SPAG17: variants seen among roughly 807,000 people sequenced by gnomAD.
SPAG17 encodes sperm-associated antigen 17.
A neutral mutation model predicts 273.6 loss-of-function variants in SPAG17; 169 were observed. That is an observed-to-expected ratio of 0.62 (90% CI 0.55 to 0.70). SPAG17 has a LOEUF of 0.70. Among genes scored for constraint, SPAG17 ranks in the 30% least tolerant of loss-of-function variants. SPAG17 has a pLI of 0.00. For missense variants in SPAG17, 2,557 were observed against 2,627.8 expected (o/e 0.97, Z 0.59); for synonymous variants, 825 against 873.2 (o/e 0.94, Z 0.97).
chr1:118,185,085 C>A lies in SPAG17; in HGVS notation c.73G>T (p.Ala25Ser), dbSNP rs375324159. The A allele has an allele frequency of 6.2e-7, 1 of 1,613,896 alleles. No individual in the cohort carries two copies. Among genetic ancestry groups the A allele is most frequent in the African/African-American group, 1.3e-5 (1 of 74,954 alleles). The change falls in exon 1 of 49, where the codon GCA becomes TCA. Residue 25 changes from alanine to serine, a missense_variant. Physicochemically the swap from Ala to Ser is moderately conservative, Grantham distance 99. Coordinates refer to ENST00000336338, the MANE Select transcript of SPAG17 (RefSeq NM_206996.4). ...SKIWEPSLIA[A>S]QFNQNDWQAS... ...TCAAGGCTCACCTGATTGAACTGTGCAGCTATGAGCGAGGGTTCCCATATC... is the reference window on the plus strand; with the variant it reads ...TCAAGGCTCACCTGATTGAACTGTGAAGCTATGAGCGAGGGTTCCCATATC...
Position 118,030,075 on chromosome 1 carries a change from C to T in SPAG17, c.3609+1617G>A, listed in dbSNP as rs1244289111. On this transcript the variant is annotated intron_variant, in intron 25 of 48. Coordinates refer to ENST00000336338, the MANE Select transcript of SPAG17 (RefSeq NM_206996.4). ...AATGTTAAGTGAACAAATTGGTTTG[C>T]TAGCAAGATGCCTTTGGCCAAATTA... Among the ~76,000 whole-genome samples, 3 of 152,092 alleles carry T rather than the reference C, an allele frequency of 2.0e-5. No individual in the cohort carries two copies. In the South Asian group the frequency reaches 6.2e-4, roughly 31 times the overall value.
chr1:118,175,378 A>G (rs12022138), intron 1 of SPAG17, among the ~76,000 whole-genome samples: 9,886 of 152,118 alleles, frequency 0.065, 472 homozygotes, highest in East Asian at 0.27. Context: ...AGTTCATTGC[A>G]TTAGGCAACA....
At chr1:117,972,637 CTG>C (rs1421242530) in intron 44 of SPAG17, among the ~76,000 whole-genome samples, 1 of 152,120 alleles carries the variant, frequency 6.6e-6, no homozygotes, top group Non-Finnish European at 1.5e-5. Flanking sequence ...GAGTCAGAAT[CTG>C]TATTTTAACA....
chr1:118,073,803 A>T (rs1019575763), intron 17 of SPAG17, 51 bp downstream of exon 17: 11 of 1,232,504 alleles, frequency 8.9e-6, no homozygotes, highest in Non-Finnish European at 1.1e-5. Flanking sequence ...ATCACAGCAG[A>T]CTCTCCAGAC....
chr1:118,111,555 C>CACACAT (rs2102246528), intron 4 of SPAG17, among the ~76,000 whole-genome samples: 1 of 147,798 alleles, frequency 6.8e-6, no homozygotes, highest in East Asian at 2.0e-4. Context: ...TTTAAAACAA[C>CACACAT]ACACACACAC....
At chr1:118,090,960 A>T (rs1655335163) in intron 10 of SPAG17, among the ~76,000 whole-genome samples, 1 of 152,060 alleles carries the variant, frequency 6.6e-6, no homozygotes, top group African/African-American at 2.4e-5. Context: ...AATAAAAAGT[A>T]AAAAGGTGTT....
chr1:118,014,441 G>A (rs1463301041), intron 29 of SPAG17, among the ~76,000 whole-genome samples: 1 of 151,938 alleles, frequency 6.6e-6, no homozygotes, highest in East Asian at 1.9e-4. Context: ...TCTACCTCAG[G>A]GGCCGAATTA....
At chr1:118,074,513 A>G in intron 16 of SPAG17, 26 bp downstream of exon 16, 1 of 1,592,962 alleles carries the variant, frequency 6.3e-7, no homozygotes, top group Non-Finnish European at 8.6e-7. Flanking sequence ...CTTGTCATCT[A>G]CATTTTCAGA....
intron 3 of SPAG17, among the ~76,000 whole-genome samples, chr1:118,145,549 C>T (rs1658928359): frequency 6.6e-6 from 1 of 152,080 alleles, no homozygotes; most frequent in African/African-American, 2.4e-5. Context: ...TATTAAACTG[C>T]ATTTGGTCCA....
intron 18 of SPAG17, among the ~76,000 whole-genome samples, chr1:118,056,180 A>C (rs1651654278): frequency 6.6e-6 from 1 of 152,208 alleles, no homozygotes; most frequent in Non-Finnish European, 1.5e-5. Flanking sequence ...AAATAAAAAA[A>C]GAAATAAGAT....
intron 40 of SPAG17, among the ~76,000 whole-genome samples, chr1:117,986,820 G>A (rs1656465814): frequency 6.6e-6 from 1 of 152,162 alleles, no homozygotes; most frequent in Non-Finnish European, 1.5e-5. Flanking sequence ...GGCAGAAACA[G>A]GAAATTTACT....
At chr1:117,987,404 A>G (rs1656542721) in intron 40 of SPAG17, among the ~76,000 whole-genome samples, 1 of 152,216 alleles carries the variant, frequency 6.6e-6, no homozygotes, top group Non-Finnish European at 1.5e-5. Flanking sequence ...GTCAACAAAT[A>G]TATCTGGCTT....
At chr1:118,069,568 G>C (rs1233096520) in intron 17 of SPAG17, among the ~76,000 whole-genome samples, 1 of 152,040 alleles carries the variant, frequency 6.6e-6, no homozygotes, top group Non-Finnish European at 1.5e-5. Context: ...GTGTCATATA[G>C]GATACTAAAT....
At chr1:118,183,541 T>TA (rs1661044547) in intron 1 of SPAG17, among the ~76,000 whole-genome samples, 1 of 152,216 alleles carries the variant, frequency 6.6e-6, no homozygotes, top group Admixed American at 6.5e-5. Context: ...AACTACATAT[T>TA]ACTTTGAGTT....
chr1:117,996,012 A>G (rs1657608698), intron 34 of SPAG17, among the ~76,000 whole-genome samples: 1 of 152,070 alleles, frequency 6.6e-6, no homozygotes, highest in East Asian at 1.9e-4. Flanking sequence ...ATGAATTTAC[A>G]AGAGATATCT....
chr1:118,064,443 G>A (rs1172238094), intron 18 of SPAG17, among the ~76,000 whole-genome samples: 1 of 151,534 alleles, frequency 6.6e-6, no homozygotes, highest in Non-Finnish European at 1.5e-5. Flanking sequence ...GTAGGGACAT[G>A]GATGAAACTG....
intron 1 of SPAG17, among the ~76,000 whole-genome samples, chr1:118,162,549 G>A (rs574963985): frequency 9.2e-5 from 14 of 152,278 alleles, no homozygotes; most frequent in African/African-American, 2.9e-4. Flanking sequence ...GGTGAAAAGA[G>A]ATTACATGTA....
Position 118,081,093 on chromosome 1 carries a change from T to C in SPAG17, c.2209+8A>G. 1 of 1,591,762 alleles carries C rather than the reference T, an allele frequency of 6.3e-7. No homozygotes were observed. Among genetic ancestry groups the C allele is most frequent in the Non-Finnish European group, 8.6e-7 (1 of 1,160,752 alleles). ...CACACACACACACACACACACACTT[T>C]AACTTACCCAGAGACTCATGTTGGG... On this transcript the variant is annotated splice_region_variant and intron_variant, in intron 15 of 48. Coordinates refer to ENST00000336338, the MANE Select transcript of SPAG17 (RefSeq NM_206996.4).
intron 30 of SPAG17, among the ~76,000 whole-genome samples, chr1:118,011,137 T>G (rs1659423129): frequency 6.6e-6 from 1 of 152,176 alleles, no homozygotes; most frequent in Non-Finnish European, 1.5e-5. Flanking sequence ...TTTAAATTAG[T>G]TCAGCCACTG....
Sources: allele counts gnomAD v4.1 joint callset (sites outside exome capture counted in the v4.1 genomes callset), GRCh38; gene constraint gnomAD v4.1.1; transcripts MANE v1.5; gene names NCBI Gene and HGNC (gene_info 2026-07-23, HGNC 2026-07-21).